Variants in NKAIN2 observed in about 807,000 individuals in gnomAD.
NKAIN2 encodes sodium/potassium-transporting ATPase subunit beta-1-interacting protein 2.
Under a neutral mutation model 32.6 loss-of-function variants are expected in NKAIN2, and 14 were observed. The ratio of observed to expected loss-of-function variants is 0.43; its 90% CI spans 0.28 to 0.67. The LOEUF (loss-of-function observed/expected upper bound fraction) is 0.67, where lower values mean the gene tolerates loss of function less well. Ranked by LOEUF, NKAIN2 falls within the 30% of genes least tolerant of loss-of-function variation. NKAIN2 has a pLI of 0.17. For synonymous variants in NKAIN2, 80 were observed against 87.2 expected (o/e 0.92, Z 0.46); for missense variants, 198 against 258.3 (o/e 0.77, Z 1.60).
chr6:123,970,854 C>T (rs536713869), intron 1 of NKAIN2, among the ~76,000 whole-genome samples: 1 of 151,846 alleles, frequency 6.6e-6, no homozygotes, highest in East Asian at 1.9e-4. Context: ...TGCACTCCAG[C>T]CTGGTCGACG....
chr6:124,257,635 A>G (rs903656728), intron 1 of NKAIN2, among the ~76,000 whole-genome samples: 1 of 152,208 alleles, frequency 6.6e-6, no homozygotes, highest in African/African-American at 2.4e-5. Context: ...TCCAGGATAT[A>G]AGAGGAAATA....
intron 3 of NKAIN2, among the ~76,000 whole-genome samples, chr6:124,404,038 G>T (rs1773740850): frequency 6.6e-6 from 1 of 151,860 alleles, no homozygotes; most frequent in Admixed American, 6.6e-5. Context: ...ATTCTTGTCT[G>T]CCTTCTTTTA....
Position 124,037,441 on chromosome 6 carries a change from C to T in NKAIN2, c.54+233187C>T, listed in dbSNP as rs1304346255. On this transcript the variant is annotated intron_variant, in intron 1 of 6. Transcript: ENST00000368417. Reference sequence around the variant, plus strand: ...ACCAGTGAAACTTATTTTCATATTTCCCATATGTCATTTTTTTCTGTCAGA... The same window carrying T: ...ACCAGTGAAACTTATTTTCATATTTTCCATATGTCATTTTTTTCTGTCAGA... Among the ~76,000 whole-genome samples the T allele has an allele frequency of 4.6e-5, 7 of 152,092 alleles. No homozygotes were observed. In the East Asian group the frequency reaches 1.4e-3, roughly 29 times the overall value.
chr6:124,245,511 G>GA (rs1266780362), intron 1 of NKAIN2, among the ~76,000 whole-genome samples: 7 of 151,786 alleles, frequency 4.6e-5, no homozygotes, highest in Admixed American at 1.3e-4. Flanking sequence ...CATTTGCTAA[G>GA]AAAAAAAATG....
intron 1 of NKAIN2, among the ~76,000 whole-genome samples, chr6:124,192,284 A>T (rs1370651584): frequency 6.6e-6 from 1 of 152,074 alleles, no homozygotes; most frequent in African/African-American, 2.4e-5. Flanking sequence ...TATTTTTGAT[A>T]TGTGTGTTTT....
chr6:124,690,648 C>A (rs930103490), intron 4 of NKAIN2, among the ~76,000 whole-genome samples: 4 of 152,052 alleles, frequency 2.6e-5, no homozygotes, highest in Admixed American at 1.3e-4. Flanking sequence ...AGAAATTGTT[C>A]TTTTCATGTC....
At chr6:124,017,057 T>G (rs1216787766) in intron 1 of NKAIN2, among the ~76,000 whole-genome samples, 1 of 152,196 alleles carries the variant, frequency 6.6e-6, no homozygotes, top group Non-Finnish European at 1.5e-5. Context: ...GAAAGAGATT[T>G]AATAGACTCA....
At chr6:124,149,961 T>G (rs1007661474) in intron 1 of NKAIN2, among the ~76,000 whole-genome samples, 1 of 152,082 alleles carries the variant, frequency 6.6e-6, no homozygotes, top group African/African-American at 2.4e-5. Context: ...TTGTTCCCCT[T>G]TCGGTGAAGG....
At chr6:124,632,465 A>G in intron 3 of NKAIN2, among the ~76,000 whole-genome samples, 1 of 150,710 alleles carries the variant, frequency 6.6e-6, no homozygotes, top group Admixed American at 6.6e-5. Context: ...AAATGATTGA[A>G]TTGTTTGTTT....
At chr6:124,565,444 T>C (rs493706) in intron 3 of NKAIN2, among the ~76,000 whole-genome samples, 88,011 of 152,092 alleles carry the variant, frequency 0.58, 29,324 homozygotes, top group Admixed American at 0.72. Flanking sequence ...ATAGACATTT[T>C]ATCAGACTAT....
chr6:124,268,364 C>A (rs150018054), intron 1 of NKAIN2, among the ~76,000 whole-genome samples: 339 of 152,188 alleles, frequency 2.2e-3, no homozygotes, highest in African/African-American at 7.8e-3. Flanking sequence ...AAATTGGACC[C>A]CTTAAAGAAA....
intron 1 of NKAIN2, among the ~76,000 whole-genome samples, chr6:123,960,470 G>C (rs1777794450): frequency 6.6e-6 from 1 of 152,100 alleles, no homozygotes; most frequent in African/African-American, 2.4e-5. Context: ...CTTTTTCCAT[G>C]TGCTGTCAGC....
intron 3 of NKAIN2, among the ~76,000 whole-genome samples, chr6:124,565,535 G>T (rs1583448616): frequency 6.6e-6 from 1 of 152,240 alleles, no homozygotes; most frequent in East Asian, 1.9e-4. Flanking sequence ...CCTGGATAGT[G>T]CCAGAGACGT....
At chr6:124,043,760 C>A (rs1781986055) in intron 1 of NKAIN2, among the ~76,000 whole-genome samples, 1 of 152,032 alleles carries the variant, frequency 6.6e-6, no homozygotes, top group Admixed American at 6.6e-5. Context: ...ACTCTCAAAT[C>A]TATTTTGAAC....
At chr6:124,793,679 C>A (rs6913630) in intron 5 of NKAIN2, among the ~76,000 whole-genome samples, 55,287 of 142,680 alleles carry the variant, frequency 0.39, 11,577 homozygotes, top group Non-Finnish European at 0.45. Context: ...ACATACTGCT[C>A]AAAAAAAAAA....
intron 1 of NKAIN2, among the ~76,000 whole-genome samples, chr6:124,144,906 A>G (rs997255977): frequency 6.6e-6 from 1 of 152,202 alleles, no homozygotes; most frequent in African/African-American, 2.4e-5. Flanking sequence ...GCTAGTATCT[A>G]GAATATGTAA....
At chr6:124,712,958 GT>G (rs1173667953) in intron 4 of NKAIN2, among the ~76,000 whole-genome samples, 1 of 151,906 alleles carries the variant, frequency 6.6e-6, no homozygotes, top group Non-Finnish European at 1.5e-5. Context: ...AAATTATAGA[GT>G]TTTTTTTCTC....
intron 3 of NKAIN2, among the ~76,000 whole-genome samples, chr6:124,622,623 C>T (rs1007762387): frequency 1.3e-5 from 2 of 152,090 alleles, no homozygotes; most frequent in African/African-American, 2.4e-5. Context: ...GGATCACATT[C>T]GGGCTTAAAG....
At chr6:124,249,210 G>C (rs954868345) in intron 1 of NKAIN2, among the ~76,000 whole-genome samples, 1 of 152,134 alleles carries the variant, frequency 6.6e-6, no homozygotes, top group Non-Finnish European at 1.5e-5. Context: ...AGTCTAAGGT[G>C]GGAAAAGTTT....
Sources: gnomAD v4.1 joint callset for allele counts (sites outside exome capture counted in the v4.1 genomes callset) on GRCh38, gnomAD v4.1.1 for gene constraint, MANE v1.5 for transcripts, NCBI Gene and HGNC (gene_info 2026-07-23, HGNC 2026-07-21) for gene names.